Variants in CSGALNACT1 observed in about 807,000 individuals in gnomAD.
CSGALNACT1 encodes beta4GalNAcT-1.
CSGALNACT1 carries 52 observed loss-of-function variants against 51.0 expected under a neutral mutation model. The ratio of observed to expected loss-of-function variants is 1.02; its 90% CI spans 0.82 to 1.29. CSGALNACT1 has a LOEUF of 1.29. Among genes scored for constraint, CSGALNACT1 ranks in the 50% most tolerant of loss-of-function variants. The pLI, the probability that CSGALNACT1 is intolerant of heterozygous loss-of-function variation, is 0.00. For synonymous variants in CSGALNACT1, 341 were observed against 254.4 expected (o/e 1.34, Z -3.24); for missense variants, 935 against 679.2 (o/e 1.38, Z -4.19).
chr8:19,603,423 T>A (rs1334943531), upstream of CSGALNACT1, among the ~76,000 whole-genome samples: 1 of 152,218 alleles, frequency 6.6e-6, no homozygotes, highest in Non-Finnish European at 1.5e-5. Flanking sequence ...TGGCCCCAAC[T>A]CGGTCCTCTA....
At chr8:19,550,535 C>T (rs34362100) in intron 3 of CSGALNACT1, among the ~76,000 whole-genome samples, 45,793 of 151,914 alleles carry the variant, frequency 0.3, 7,713 homozygotes, top group African/African-American at 0.47. Flanking sequence ...TTTTCTTCCC[C>T]GCTTTTCCCC....
chr8:19,488,232 C>A (rs560006361), intron 4 of CSGALNACT1, among the ~76,000 whole-genome samples: 1 of 151,686 alleles, frequency 6.6e-6, no homozygotes, highest in South Asian at 2.1e-4. Context: ...CACCTATAAT[C>A]CCAGTTACTC....
intron 1 of CSGALNACT1, among the ~76,000 whole-genome samples, chr8:19,751,281 G>A (rs1409436202): frequency 1.3e-5 from 2 of 152,054 alleles, no homozygotes; most frequent in African/African-American, 4.8e-5. Flanking sequence ...TCCGTAAAAC[G>A]CAGATGATAA....
At chr8:19,447,152 G>A (rs2062275716) in intron 5 of CSGALNACT1, among the ~76,000 whole-genome samples, 1 of 152,172 alleles carries the variant, frequency 6.6e-6, no homozygotes, top group Non-Finnish European at 1.5e-5. Flanking sequence ...ACCTGACAGA[G>A]CTATGGAGGC....
At chr8:19,489,749 C>T (rs951521407) in intron 4 of CSGALNACT1, among the ~76,000 whole-genome samples, 6 of 152,176 alleles carry the variant, frequency 3.9e-5, no homozygotes, top group African/African-American at 1.4e-4. Context: ...ACGATGACAT[C>T]TTTCCTTAGC....
At chr8:19,662,567 G>A (rs2058852836) in intron 1 of CSGALNACT1, among the ~76,000 whole-genome samples, 1 of 152,186 alleles carries the variant, frequency 6.6e-6, no homozygotes, top group Admixed American at 6.5e-5. Flanking sequence ...TTACTAGGAA[G>A]CAGTGTACTC....
chr8:19,449,111 G>T (rs1432195177), intron 5 of CSGALNACT1, among the ~76,000 whole-genome samples: 1 of 152,084 alleles, frequency 6.6e-6, no homozygotes, highest in African/African-American at 2.4e-5. Context: ...AAGCAATTGG[G>T]ACCTATTTTC....
chr8:19,453,805 G>T (rs1036554589), intron 5 of CSGALNACT1, among the ~76,000 whole-genome samples: 1 of 152,002 alleles, frequency 6.6e-6, no homozygotes. Flanking sequence ...CCAGCTACTC[G>T]GGAGGCTGAG....
At chr8:19,750,106 C>A (rs2064935845) in intron 1 of CSGALNACT1, among the ~76,000 whole-genome samples, 1 of 152,200 alleles carries the variant, frequency 6.6e-6, no homozygotes, top group South Asian at 2.1e-4. Context: ...AACTTCATTT[C>A]TGACTTGTTC....
At chr8:19,483,028 G>A (rs1209487796) in intron 4 of CSGALNACT1, among the ~76,000 whole-genome samples, 1 of 152,120 alleles carries the variant, frequency 6.6e-6, no homozygotes, top group Non-Finnish European at 1.5e-5. Flanking sequence ...CATTCACATA[G>A]ATGTTTACTA....
chr8:19,632,822 C>G (rs763817817), intron 1 of CSGALNACT1, among the ~76,000 whole-genome samples: 3 of 152,106 alleles, frequency 2.0e-5, no homozygotes, highest in African/African-American at 4.8e-5. Context: ...GTGGAACGGT[C>G]ACAGCTCACT....
rs186113132 is a variant in CSGALNACT1, at chr8:19,431,827, T to C, written c.953+8003A>G. The stretch of plus-strand genomic sequence containing the variant: ...AGTTCTTTTTTCTTTTTTTTTTTAA[T>C]TAAATCAATCCATTTGCTTGTTATA... On this transcript the variant is annotated intron_variant, in intron 6 of 9. Transcript: ENST00000454498. Among the ~76,000 whole-genome samples, 4 of 151,184 alleles carry C rather than the reference T, an allele frequency of 2.6e-5. No homozygotes were observed. The East Asian group carries it at 7.8e-4, about 30-fold the overall frequency.
In CSGALNACT1 at chr8:19,666,809, AAG is replaced by A. The variant is rs375633259; in HGVS notation, c.-544+15662_-544+15663del. 3.7e-3 allele frequency among the ~76,000 whole-genome samples: 92 copies of A among 25,094 alleles called. 1 individual carries two copies. Among genetic ancestry groups the A allele is most frequent in the African/African-American group, 0.01 (40 of 3,998 alleles). 16.5% of individuals were successfully genotyped at this position (25,094 alleles called of 152,430 possible). On this transcript the variant is annotated intron_variant, in intron 1 of 9. Coordinates refer to the CSGALNACT1 transcript ENST00000332246. ...AAAGAAAGAAAGAAAGAAAGAAAGA[AAG>A]AGAGAGAGAGAGAGAGAGAGAGAAA...
At chr8:19,696,956 T>G (rs1284979629) in intron 1 of CSGALNACT1, among the ~76,000 whole-genome samples, 2 of 152,004 alleles carry the variant, frequency 1.3e-5, no homozygotes. Flanking sequence ...CCCACGTGAT[T>G]TGGTGTAGCT....
At chr8:19,571,249 T>C (rs1201970751) in intron 3 of CSGALNACT1, among the ~76,000 whole-genome samples, 1 of 152,028 alleles carries the variant, frequency 6.6e-6, no homozygotes, top group African/African-American at 2.4e-5. Context: ...GGATTACAGG[T>C]CTCTGATTTT....
chr8:19,571,953 A>T (rs2043142065), intron 3 of CSGALNACT1, among the ~76,000 whole-genome samples: 1 of 152,218 alleles, frequency 6.6e-6, no homozygotes. Flanking sequence ...TGCCTGCCTC[A>T]TTTTCATCAA....
At chr8:19,430,302 T>G (rs962036495) in intron 6 of CSGALNACT1, among the ~76,000 whole-genome samples, 10 of 152,184 alleles carry the variant, frequency 6.6e-5, no homozygotes, top group African/African-American at 2.2e-4. Context: ...ACACCTATGT[T>G]TTCTCTTAAA....
At chr8:19,745,940 C>A (rs754395411) in intron 1 of CSGALNACT1, among the ~76,000 whole-genome samples, 2 of 152,050 alleles carry the variant, frequency 1.3e-5, no homozygotes, top group Non-Finnish European at 2.9e-5. Flanking sequence ...CAACAGGAAG[C>A]AGGTGGTCAC....
At chr8:19,519,550 A>T (rs1378013244) in intron 3 of CSGALNACT1, among the ~76,000 whole-genome samples, 1 of 152,198 alleles carries the variant, frequency 6.6e-6, no homozygotes, top group African/African-American at 2.4e-5. Flanking sequence ...TGGAAATAGG[A>T]CAAAACATCA....
Sources: allele counts gnomAD v4.1 joint callset (sites outside exome capture counted in the v4.1 genomes callset), GRCh38; gene constraint gnomAD v4.1.1; transcripts MANE v1.5; gene names NCBI Gene and HGNC (gene_info 2026-07-23, HGNC 2026-07-21).